IRAG2: variants seen among roughly 807,000 people sequenced by gnomAD.
IRAG2 encodes the protein inositol 1,4,5-triphosphate receptor associated 2.
In IRAG2, 45 loss-of-function variants were observed where a neutral mutation model predicts 69.9. The ratio of observed to expected loss-of-function variants is 0.64; its 90% confidence interval spans 0.51 to 0.83. The LOEUF is 0.83. Among genes scored for constraint, IRAG2 ranks in the 40% least tolerant of loss-of-function variants. The pLI, the probability that IRAG2 is intolerant of heterozygous loss-of-function variation, is 0.00. For missense variants in IRAG2, 520 were observed against 587.0 expected, an observed-to-expected ratio of 0.89 and a Z score of 1.18; for synonymous variants, 193 against 202.4, an observed-to-expected ratio of 0.95 and a Z score of 0.40.
chr12:25,051,060 T>C (rs1944858317), upstream of IRAG2, among the ~76,000 whole-genome samples: 1 of 152,204 alleles, frequency 6.6e-6, no homozygotes. Context: ...TACAACATTA[T>C]GCCTGTAGTT....
chr12:25,032,872 T>G (rs1565530557), intron 12 of IRAG2, among the ~76,000 whole-genome samples: 1 of 152,112 alleles, frequency 6.6e-6, no homozygotes, highest in East Asian at 1.9e-4. Flanking sequence ...TATGAAATAA[T>G]GGGGGGCAAA....
chr12:25,083,389 C>A (rs370443500), intron 9 of IRAG2, 34 bp from the exon 10 acceptor site: 14 of 1,430,746 alleles, frequency 9.8e-6, no homozygotes, highest in Admixed American at 1.7e-5. Flanking sequence ...CTCCTGCCCC[C>A]CTAACTGCTT....
intron 14 of IRAG2, among the ~76,000 whole-genome samples, chr12:25,094,618 G>T (rs1948297089): frequency 6.6e-6 from 1 of 152,106 alleles, no homozygotes. Flanking sequence ...ATGCCATTGG[G>T]ATTTTGATAG....
chr12:25,050,552 C>CAAAAA (rs1230165053), upstream of IRAG2, among the ~76,000 whole-genome samples: 3 of 99,462 alleles, frequency 3.0e-5, no homozygotes, highest in African/African-American at 9.3e-5. Context: ...AACAAACAAA[C>CAAAAA]AAAAAAAAAC....
intron 21 of IRAG2, among the ~76,000 whole-genome samples, chr12:25,107,279 A>ATGTT (rs1218401075): frequency 2.0e-5 from 3 of 152,266 alleles, no homozygotes; most frequent in Admixed American, 1.3e-4. Context: ...ATTCTATTTT[A>ATGTT]TGTTAGTTAT....
exon 1 of IRAG2, chr12:25,004,714 T>A: frequency 8.1e-7 from 1 of 1,232,114 alleles, no homozygotes; most frequent in Non-Finnish European, 1.0e-6. Context: ...AAAGCCGAAG[T>A]CACAGAGCAA....
chr12:25,011,552 G>A lies in IRAG2; in HGVS notation c.896+1G>A, dbSNP rs1468156153. 6 of 1,230,702 alleles carry A rather than the reference G, an allele frequency of 4.9e-6. No homozygotes were observed. Among genetic ancestry groups the A allele is most frequent in the Non-Finnish European group, 6.1e-6 (6 of 987,218 alleles). The allele number at this position is 1,230,702 out of a possible 1,614,324, so 76.2% of individuals were successfully genotyped here. A position where few individuals can be genotyped will look rare whatever the true frequency, so the allele number is the denominator to read the frequency against. On this transcript the variant is annotated splice_donor_variant, in intron 3 of 38. Coordinates refer to the IRAG2 transcript ENST00000636465. LOFTEE classifies it high-confidence loss of function. ...GGATGGCTTACTGTGGAAACACATG[G>A]TAATCAGAGTCCTAGTGGGATGCAG...
chr12:25,018,193 CTTTT>C (rs56659655), intron 6 of IRAG2, among the ~76,000 whole-genome samples: 2 of 105,550 alleles, frequency 1.9e-5, no homozygotes, highest in African/African-American at 7.2e-5. Flanking sequence ...TTTCTTTCTT[CTTTT>C]TTTTTTTTTT....
intron 20 of IRAG2, among the ~76,000 whole-genome samples, chr12:25,106,280 C>T (rs891951157): frequency 6.7e-6 from 1 of 150,188 alleles, no homozygotes; most frequent in African/African-American, 2.4e-5. Flanking sequence ...TATATATACA[C>T]ATACACACAC....
At chr12:25,087,502 C>T (rs76201900) in intron 10 of IRAG2, among the ~76,000 whole-genome samples, 12,110 of 152,140 alleles carry the variant, frequency 0.08, 549 homozygotes, top group Middle Eastern at 0.15. Context: ...GTTTATCTAT[C>T]TCATTTATTT....
chr12:25,001,800 C>G (rs12227003), upstream of IRAG2, among the ~76,000 whole-genome samples: 18,907 of 146,772 alleles, frequency 0.13, 1,535 homozygotes, highest in Non-Finnish European at 0.19. Context: ...GACAGAGTCT[C>G]GCTCTGTCAC....
At chr12:25,077,183 A>ATC (rs1483539698) in intron 6 of IRAG2, among the ~76,000 whole-genome samples, 3 of 118,648 alleles carry the variant, frequency 2.5e-5, no homozygotes, top group African/African-American at 8.9e-5. Flanking sequence ...TCATATATAT[A>ATC]TGATATATAT....
chr12:25,060,668 C>CTTTTTTTT (rs753591747), intron 1 of IRAG2, among the ~76,000 whole-genome samples: 1 of 99,288 alleles, frequency 1.0e-5, no homozygotes, highest in Non-Finnish European at 1.9e-5. Context: ...AATGTATTTT[C>CTTTTTTTT]TTTTTTTTTT....
At chr12:25,023,127 A>C (rs1220854774) in intron 7 of IRAG2, among the ~76,000 whole-genome samples, 2 of 8,296 alleles carry the variant, frequency 2.4e-4, no homozygotes, top group African/African-American at 5.8e-4. Flanking sequence ...ACTTCGTCTC[A>C]AAAAAAAAAA....
chr12:25,017,929 T>A (rs906099314), intron 6 of IRAG2, among the ~76,000 whole-genome samples: 8 of 152,296 alleles, frequency 5.3e-5, no homozygotes, highest in African/African-American at 1.9e-4. Context: ...TACATATAAA[T>A]GGAATCATAC....
upstream of IRAG2, among the ~76,000 whole-genome samples, chr12:25,000,102 G>A (rs1944380420): frequency 2.0e-5 from 3 of 152,130 alleles, no homozygotes; most frequent in South Asian, 4.1e-4. Flanking sequence ...TTAGCACTTA[G>A]CAGAAATTCA....
chr12:25,067,495 T>G (rs896678030), intron 5 of IRAG2, among the ~76,000 whole-genome samples: 1 of 152,108 alleles, frequency 6.6e-6, no homozygotes, highest in East Asian at 1.9e-4. Flanking sequence ...AGATGCCCCT[T>G]GCAGGTTCCA....
At chr12:25,094,787 T>G (rs1229174003) in intron 14 of IRAG2, among the ~76,000 whole-genome samples, 2 of 152,188 alleles carry the variant, frequency 1.3e-5, no homozygotes, top group Non-Finnish European at 2.9e-5. Context: ...TACATCTCTT[T>G]TATCTCCTTT....
chr12:25,103,337 T>C (rs1257700684), intron 17 of IRAG2: 1 of 154,384 alleles, frequency 6.5e-6, no homozygotes, highest in Non-Finnish European at 1.4e-5. Flanking sequence ...TGCATATTTA[T>C]CTCCTCCTGA....
Sources: gnomAD v4.1 joint callset for allele counts (sites outside exome capture counted in the v4.1 genomes callset) on GRCh38, gnomAD v4.1.1 for gene constraint, MANE v1.5 for transcripts, NCBI Gene and HGNC (gene_info 2026-07-23, HGNC 2026-07-21) for gene names.